PRRG1: variants seen among roughly 807,000 people sequenced by gnomAD.
PRRG1 encodes the protein proline rich and Gla domain 1, also known as transmembrane gamma-carboxyglutamic acid protein 1.
Under a neutral mutation model 11.8 loss-of-function variants are expected in PRRG1, and 5 were observed. The observed-to-expected ratio is 0.42, with a 90% confidence interval of 0.22 to 0.89. The LOEUF is 0.89. PRRG1 is among the 40% of genes least tolerant of loss of function. The pLI, the probability that PRRG1 is intolerant of heterozygous loss-of-function variation, is 0.28. For missense variants in PRRG1, 155 were observed against 166.1 expected (o/e 0.93, Z 0.37); for synonymous variants, 66 against 60.4 (o/e 1.09, Z -0.43).
At chrX:37,452,437 TCTC>T (rs1362460324) in intron 3 of PRRG1, among the ~76,000 whole-genome samples, 1 of 112,033 alleles carries the variant, frequency 8.9e-6, no homozygotes, top group Admixed American at 9.5e-5. Context: ...TTTAAATACT[TCTC>T]CTACATACGT....
At chrX:37,404,361 G>A (rs1556381422) in intron 1 of PRRG1, among the ~76,000 whole-genome samples, 1 of 111,219 alleles carries the variant, frequency 9.0e-6, no homozygotes, top group Non-Finnish European at 1.9e-5. Flanking sequence ...CTTTCTTTTG[G>A]TATTTCCTGG....
At chrX:37,407,506 C>T (rs781858069) in intron 2 of PRRG1, among the ~76,000 whole-genome samples, 2 of 111,515 alleles carry the variant, frequency 1.8e-5, no homozygotes, top group Non-Finnish European at 3.8e-5. Flanking sequence ...ATACTGGATA[C>T]AGAAGGCCTG....
intron 3 of PRRG1, 123 bp downstream of exon 3, chrX:37,426,123 GA>G (rs1281912822): frequency 2.7e-6 from 2 of 734,390 alleles, no homozygotes; most frequent in African/African-American, 2.2e-5. Flanking sequence ...TAGGAACTCG[GA>G]AAATGGCATC....
intron 3 of PRRG1, among the ~76,000 whole-genome samples, chrX:37,427,077 A>G (rs934170276): frequency 1.8e-5 from 2 of 111,789 alleles, no homozygotes; most frequent in Non-Finnish European, 1.9e-5. Context: ...TGAAGTTACT[A>G]TAAACCATAA....
intron 1 of PRRG1, among the ~76,000 whole-genome samples, chrX:37,387,032 C>G (rs1931351646): frequency 9.0e-6 from 1 of 111,662 alleles, no homozygotes; most frequent in Admixed American, 9.5e-5. Flanking sequence ...TCCCTCTGAG[C>G]ATCTTGATAA....
chrX:37,405,848 G>C (rs1235092819), intron 1 of PRRG1, among the ~76,000 whole-genome samples: 4 of 111,740 alleles, frequency 3.6e-5, no homozygotes, highest in African/African-American at 1.3e-4. Flanking sequence ...TGCTGGCCTG[G>C]TTATTAGCAT....
intron 1 of PRRG1, among the ~76,000 whole-genome samples, chrX:37,355,728 C>T (rs1455537154): frequency 8.9e-6 from 1 of 112,054 alleles, no homozygotes; most frequent in Non-Finnish European, 1.9e-5. Context: ...TGTTTGCACA[C>T]TACTGTTCTT....
chrX:37,407,862 T>C (rs782181518), intron 2 of PRRG1, among the ~76,000 whole-genome samples: 1 of 111,611 alleles, frequency 9.0e-6, no homozygotes, highest in African/African-American at 3.2e-5. Context: ...CCCACCCTTG[T>C]GTGGGCCCTG....
chrX:37,411,823 A>G (rs1344230685), intron 2 of PRRG1, among the ~76,000 whole-genome samples: 2 of 112,315 alleles, frequency 1.8e-5, no homozygotes, highest in Non-Finnish European at 3.8e-5. Flanking sequence ...ATGAATTTTC[A>G]AAAGGATTAA....
At chrX:37,408,874 T>G (rs183185093) in intron 2 of PRRG1, among the ~76,000 whole-genome samples, 75 of 111,312 alleles carry the variant, frequency 6.7e-4, no homozygotes, top group African/African-American at 2.3e-3. Context: ...AACCCGTTCT[T>G]TCTCATTTCC....
intron 3 of PRRG1, among the ~76,000 whole-genome samples, chrX:37,429,537 C>T (rs1932806053): frequency 1.8e-5 from 2 of 111,820 alleles, no homozygotes; most frequent in South Asian, 7.5e-4. Context: ...TCCTCTCCAT[C>T]TGAGACCACC....
chrX:37,407,080 T>A (rs1932207952), intron 2 of PRRG1, among the ~76,000 whole-genome samples: 3 of 112,056 alleles, frequency 2.7e-5, no homozygotes. Context: ...ATAGTTACAA[T>A]GACCTGATTG....
chrX:37,381,105 T>A (rs1931137921), intron 1 of PRRG1, among the ~76,000 whole-genome samples: 1 of 111,692 alleles, frequency 9.0e-6, no homozygotes, highest in South Asian at 3.8e-4. Context: ...GAAGGGCCAG[T>A]AGAGTGAGTC....
At chrX:37,394,656 G>A (rs1359498400) in intron 1 of PRRG1, among the ~76,000 whole-genome samples, 1 of 111,372 alleles carries the variant, frequency 9.0e-6, no homozygotes, top group African/African-American at 3.3e-5. Flanking sequence ...AATCGCAGAG[G>A]ATTACTGGAA....
At position 37,453,361 on chromosome X, in the gene PRRG1, C is replaced by G; in HGVS notation, c.397C>G (p.Pro133Ala). 2.5e-6 allele frequency: 3 copies of G among 1,208,424 alleles called. No homozygotes were observed. The highest frequency in any genetic ancestry group is 3.4e-6 in the Non-Finnish European group (3 of 893,631). The change falls in exon 4 of 4, where the codon CCC becomes GCC. Residue 133 changes from proline (P) to alanine (A), a missense_variant. Transcript: ENST00000378628. ...PQHLNIITPP[P>A]PPDEVFDSSG... is the part of the protein sequence containing the mutation. ...GCACCTTAATATTATCACCCCACCCCCCCCACCAGATGAAGTGTTTGACAG... is the reference window on the plus strand; with the variant it reads ...GCACCTTAATATTATCACCCCACCCGCCCCACCAGATGAAGTGTTTGACAG...
intron 1 of PRRG1, chrX:37,403,814 A>T: frequency 9.9e-6 from 7 of 708,637 alleles, no homozygotes; most frequent in Non-Finnish European, 1.0e-5. Context: ...GCTTGAGGTG[A>T]TATGGGTATT....
chrX:37,425,810 T>C lies in PRRG1; in HGVS notation c.11-30T>C, dbSNP rs375456144. The C allele has an allele frequency of 2.8e-5, 32 of 1,132,917 alleles. No homozygotes were observed. In the African/African-American group the frequency reaches 4.6e-4, roughly 16 times the overall value. 93.4% of individuals were successfully genotyped at this position (1,132,917 alleles called of 1,213,427 possible). A position where few individuals can be genotyped will look rare whatever the true frequency, so the allele number is the denominator to read the frequency against. On this transcript the variant is annotated intron_variant, in intron 2 of 3. Coordinates refer to ENST00000378628, the MANE Select transcript of PRRG1 (RefSeq NM_001142395.2). ...TCATCTGGTATATCAACTTGCCACA[T>C]AGGTTTTTTATACTTATATTTCTTT...
At chrX:37,358,457 T>A in intron 1 of PRRG1, among the ~76,000 whole-genome samples, 1 of 111,579 alleles carries the variant, frequency 9.0e-6, no homozygotes, top group East Asian at 2.8e-4. Flanking sequence ...TTCATGTGGA[T>A]GTCCAGTTGT....
intron 3 of PRRG1, among the ~76,000 whole-genome samples, chrX:37,436,238 G>C (rs1238730579): frequency 9.0e-6 from 1 of 111,487 alleles, no homozygotes; most frequent in Admixed American, 9.5e-5. Flanking sequence ...TCCCATTCTT[G>C]TGCACTCCAT....
Sources: gnomAD v4.1 joint callset for allele counts (sites outside exome capture counted in the v4.1 genomes callset) on GRCh38, gnomAD v4.1.1 for gene constraint, MANE v1.5 for transcripts, NCBI Gene and HGNC (gene_info 2026-07-23, HGNC 2026-07-21) for gene names.